IGSF21: variants seen among roughly 807,000 people sequenced by gnomAD.
IGSF21 encodes immunoglobulin superfamily member 21.
A neutral mutation model predicts 46.8 loss-of-function variants in IGSF21; 28 were observed. That is an observed-to-expected ratio of 0.60 (90% CI 0.44 to 0.82). The LOEUF is 0.82. IGSF21 is among the 40% of genes least tolerant of loss of function. The pLI, the probability that IGSF21 is intolerant of heterozygous loss-of-function variation, is 0.00. For missense variants in IGSF21, 624 were observed against 665.5 expected (o/e 0.94, Z 0.69); for synonymous variants, 284 against 273.6 (o/e 1.04, Z -0.38).
chr1:18,365,567 T>G lies in IGSF21; in HGVS notation c.885T>G (p.Ser295Arg), dbSNP rs781509306. Reference sequence around the variant, plus strand: ...TGCGCCACAGCCGCACCCCGAGCAGTGACGGCACTGTGGAAGTACGTGCCC... The same window carrying G: ...TGCGCCACAGCCGCACCCCGAGCAGGGACGGCACTGTGGAAGTACGTGCCC... ...YFLRHSRTPS[S>R]DGTVEVRALL... The change falls in exon 6 of 10, where the codon AGT (serine) becomes AGG (arginine). Residue 295 changes from serine (S) to arginine (R), a missense_variant. Transcript: ENST00000251296. This position sits in a 1 kb window ranked among gnomAD's most constrained non-coding sequence, Gnocchi z 4.8. 2 of 1,613,972 alleles carry G rather than the reference T, an allele frequency of 1.2e-6. No homozygotes were observed. The highest frequency in any genetic ancestry group is 1.7e-6 in the Non-Finnish European group (2 of 1,180,038).
At chr1:18,339,258 C>T (rs1340022772) in intron 4 of IGSF21, among the ~76,000 whole-genome samples, 1 of 152,184 alleles carries the variant, frequency 6.6e-6, no homozygotes, top group Non-Finnish European at 1.5e-5. Flanking sequence ...GCGGGGCGTC[C>T]CACCTGGTCT....
chr1:18,133,093 A>C (rs771699101), intron 1 of IGSF21, among the ~76,000 whole-genome samples: 12 of 152,244 alleles, frequency 7.9e-5, no homozygotes, highest in Non-Finnish European at 1.5e-4. Flanking sequence ...CCGGTTTTAA[A>C]AGCTCAGGCT....
chr1:18,281,151 G>A (rs534311677), intron 2 of IGSF21, among the ~76,000 whole-genome samples: 6 of 152,322 alleles, frequency 3.9e-5, no homozygotes, highest in Admixed American at 3.9e-4. Flanking sequence ...GAACAGGCAA[G>A]TGAATGAATG....
intron 2 of IGSF21, among the ~76,000 whole-genome samples, chr1:18,278,401 T>G (rs2085124879): frequency 6.6e-6 from 1 of 151,326 alleles, no homozygotes; most frequent in Non-Finnish European, 1.5e-5. Context: ...CCAACACACC[T>G]GGCTAATGTT....
intron 2 of IGSF21, among the ~76,000 whole-genome samples, chr1:18,256,374 G>T (rs936812053): frequency 6.6e-6 from 1 of 152,172 alleles, no homozygotes; most frequent in African/African-American, 2.4e-5. Context: ...TGCTTTCACT[G>T]CTGGAGCCGC....
chr1:18,244,051 G>C (rs1234083683), intron 2 of IGSF21, among the ~76,000 whole-genome samples: 4 of 152,204 alleles, frequency 2.6e-5, no homozygotes, highest in African/African-American at 9.6e-5. Flanking sequence ...TGTTATCTGA[G>C]GGTGACTGTT....
chr1:18,141,590 T>G (rs1238473165), intron 1 of IGSF21, among the ~76,000 whole-genome samples: 1 of 151,962 alleles, frequency 6.6e-6, no homozygotes, highest in Non-Finnish European at 1.5e-5. Context: ...TGACTGAGAG[T>G]GAGGGACCTG....
intron 1 of IGSF21, among the ~76,000 whole-genome samples, chr1:18,122,777 C>T (rs563537352): frequency 1.1e-4 from 16 of 151,924 alleles, no homozygotes; most frequent in Non-Finnish European, 1.8e-4. Context: ...CATGCCACCA[C>T]GCCCCAGCTA....
intron 2 of IGSF21, among the ~76,000 whole-genome samples, chr1:18,288,227 CAGAA>C (rs1188451742): frequency 5.9e-5 from 9 of 152,208 alleles, no homozygotes; most frequent in African/African-American, 7.2e-5. Context: ...CTCCCATAGA[CAGAA>C]AGAGCCAGCC....
chr1:18,298,079 A>T (rs891514796), intron 3 of IGSF21, among the ~76,000 whole-genome samples: 1 of 152,202 alleles, frequency 6.6e-6, no homozygotes, highest in Non-Finnish European at 1.5e-5. Flanking sequence ...GCAAGTGCAA[A>T]GGTCCTGGGG....
chr1:18,278,268 C>T (rs1477037722), intron 2 of IGSF21, among the ~76,000 whole-genome samples: 1 of 151,686 alleles, frequency 6.6e-6, no homozygotes, highest in Non-Finnish European at 1.5e-5. Context: ...GAGACAGAGT[C>T]TCACTCTGTT....
chr1:18,359,146 C>T (rs924556335), intron 4 of IGSF21, among the ~76,000 whole-genome samples: 2 of 151,558 alleles, frequency 1.3e-5, no homozygotes, highest in African/African-American at 4.9e-5. Flanking sequence ...TGGTGGCACA[C>T]AACTGTGGTC....
chr1:18,121,239 T>A (rs2086231389), intron 1 of IGSF21, among the ~76,000 whole-genome samples: 1 of 152,146 alleles, frequency 6.6e-6, no homozygotes, highest in Non-Finnish European at 1.5e-5. Flanking sequence ...ATCTTTATCC[T>A]TCATCTGAAA....
At chr1:18,254,124 C>T (rs1271816525) in intron 2 of IGSF21, among the ~76,000 whole-genome samples, 1 of 152,164 alleles carries the variant, frequency 6.6e-6, no homozygotes, top group African/African-American at 2.4e-5. Context: ...TTAGGTGCTT[C>T]TACCCAGTTC....
At chr1:18,198,899 C>T (rs558138018) in intron 1 of IGSF21, among the ~76,000 whole-genome samples, 1 of 152,226 alleles carries the variant, frequency 6.6e-6, no homozygotes, top group African/African-American at 2.4e-5. Flanking sequence ...GAAGACCTCT[C>T]CCCTGCCCCC....
intron 5 of IGSF21, among the ~76,000 whole-genome samples, chr1:18,362,482 C>A (rs1238425212): frequency 6.6e-6 from 1 of 152,244 alleles, no homozygotes; most frequent in African/African-American, 2.4e-5. Flanking sequence ...TAGAACTTCA[C>A]AGCAGGAGCA....
At chr1:18,306,970 C>T (rs1013077385) in intron 3 of IGSF21, among the ~76,000 whole-genome samples, 2 of 152,194 alleles carry the variant, frequency 1.3e-5, no homozygotes, top group African/African-American at 2.4e-5. Context: ...CCCAGTCAGC[C>T]GATTGGTTCT....
rs1299166281 is a variant in IGSF21 at position 18,322,865 on chromosome 1, G to A, written c.306-12027G>A. On this transcript the variant is annotated intron_variant, in intron 3 of 9. Coordinates refer to ENST00000251296, the MANE Select transcript of IGSF21 (RefSeq NM_032880.5). The surrounding 1 kb of genome is among the most constrained non-coding windows in gnomAD (Gnocchi z 4.3). ...AGAGGAAGCCGGTGGAGAAGAGCGG[G>A]AGATGTCGGAATGGGTGAAGGGGAG... Among the ~76,000 whole-genome samples, 1 of 152,188 alleles carries A rather than the reference G, an allele frequency of 6.6e-6. No individual in the cohort carries two copies. Among genetic ancestry groups the A allele is most frequent in the Non-Finnish European group, 1.5e-5 (1 of 68,032 alleles).
intron 1 of IGSF21, among the ~76,000 whole-genome samples, chr1:18,169,585 G>A (rs989988865): frequency 9.9e-5 from 15 of 152,204 alleles, no homozygotes; most frequent in African/African-American, 3.4e-4. Context: ...ACAGGTGGCC[G>A]AGTTAGCGAG....
Sources: allele counts gnomAD v4.1 joint callset (sites outside exome capture counted in the v4.1 genomes callset), GRCh38; gene constraint gnomAD v4.1.1; non-coding constraint Gnocchi (gnomAD v3.1); transcripts MANE v1.5; gene names NCBI Gene and HGNC (gene_info 2026-07-23, HGNC 2026-07-21).